The following CDH12 variants were observed in gnomAD, a reference collection of about 807,000 sequenced individuals.
The protein encoded by CDH12 is cadherin-12.
A neutral mutation model predicts 74.1 loss-of-function variants in CDH12; 41 were observed. The observed-to-expected ratio is 0.55, with a 90% CI of 0.43 to 0.72. The LOEUF (loss-of-function observed/expected upper bound fraction) is 0.72. Ranked by LOEUF, CDH12 falls within the 30% of genes least tolerant of loss-of-function variation. The pLI is 0.00. For synonymous variants in CDH12, 399 were observed against 355.0 expected (o/e 1.12, Z -1.39); for missense variants, 945 against 977.2 (o/e 0.97, Z 0.44).
At chr5:22,815,705 G>A (rs1269345701) in intron 1 of CDH12, among the ~76,000 whole-genome samples, 1 of 145,648 alleles carries the variant, frequency 6.9e-6, no homozygotes, top group Non-Finnish European at 1.5e-5. Flanking sequence ...GGGAGATACA[G>A]TTTGCAGTGA....
At chr5:22,250,384 C>G (rs902331909) in intron 3 of CDH12, among the ~76,000 whole-genome samples, 11 of 152,138 alleles carry the variant, frequency 7.2e-5, no homozygotes, top group African/African-American at 2.7e-4. Context: ...GGTTAGGTAG[C>G]TGATTCTGGC....
At chr5:21,866,332 G>A (rs954707473) in intron 6 of CDH12, among the ~76,000 whole-genome samples, 1 of 152,202 alleles carries the variant, frequency 6.6e-6, no homozygotes, top group African/African-American at 2.4e-5. Context: ...GGAGGGCTCA[G>A]AAGAAGACAG....
At chr5:22,083,301 A>C (rs1742860369) in intron 4 of CDH12, among the ~76,000 whole-genome samples, 1 of 152,164 alleles carries the variant, frequency 6.6e-6, no homozygotes, top group African/African-American at 2.4e-5. Flanking sequence ...TCCTTTCCTG[A>C]GTCCAAACTC....
chr5:22,326,769 A>C (rs930231766), intron 3 of CDH12, among the ~76,000 whole-genome samples: 8 of 152,178 alleles, frequency 5.3e-5, no homozygotes, highest in African/African-American at 1.7e-4. Flanking sequence ...CTGTATATCA[A>C]ACCATTTTCA....
intron 2 of CDH12, among the ~76,000 whole-genome samples, chr5:22,497,039 A>G (rs1474055458): frequency 6.6e-6 from 1 of 152,162 alleles, no homozygotes; most frequent in Non-Finnish European, 1.5e-5. Flanking sequence ...TCATTTTCTC[A>G]TCTGCTAAAT....
At chr5:22,149,882 C>T (rs1406638793) in intron 4 of CDH12, among the ~76,000 whole-genome samples, 2 of 152,174 alleles carry the variant, frequency 1.3e-5, no homozygotes, top group Non-Finnish European at 2.9e-5. Context: ...GTAATCCCAG[C>T]TTCTCGGGAG....
At chr5:22,043,031 T>A (rs1739687407) in intron 5 of CDH12, among the ~76,000 whole-genome samples, 1 of 151,968 alleles carries the variant, frequency 6.6e-6, no homozygotes, top group African/African-American at 2.4e-5. Flanking sequence ...TTTTAAAAAA[T>A]CAAATTATTC....
rs567455654 is a variant in CDH12, at chr5:21,816,848, G to A, written c.1002+97C>T. 59 of 875,752 alleles carry A rather than the reference G, an allele frequency of 6.7e-5. No individual in the cohort carries two copies. In the East Asian group the frequency reaches 9.5e-4, roughly 14 times the overall value. The allele number at this position is 875,752 out of a possible 1,614,324, so 54.2% of individuals were successfully genotyped here. A position where few individuals can be genotyped will look rare whatever the true frequency, so the allele number is the denominator to read the frequency against. ...TCAAGGGTCAACTCTATTGCTAATTGAAGGAAAATTAAAATTACTTGTCAT... is the reference window on the plus strand; with the variant it reads ...TCAAGGGTCAACTCTATTGCTAATTAAAGGAAAATTAAAATTACTTGTCAT... On this transcript the variant is annotated intron_variant, in intron 9 of 14. Transcript: ENST00000382254.
chr5:22,820,024 T>TATATAC (rs1252192876), intron 1 of CDH12, among the ~76,000 whole-genome samples: 1 of 146,744 alleles, frequency 6.8e-6, no homozygotes. Flanking sequence ...TATATACATA[T>TATATAC]ATATACATAT....
At chr5:21,815,740 C>T (rs186014684) in intron 9 of CDH12, among the ~76,000 whole-genome samples, 6 of 152,144 alleles carry the variant, frequency 3.9e-5, no homozygotes, top group East Asian at 1.9e-4. Flanking sequence ...AGAGCTTACA[C>T]GCATCAGTAT....
intron 8 of CDH12, among the ~76,000 whole-genome samples, chr5:21,833,689 G>A (rs1203750015): frequency 8.0e-6 from 1 of 125,438 alleles, no homozygotes; most frequent in Non-Finnish European, 1.6e-5. Context: ...GCTCACCACA[G>A]TAAACCAGTG....
At chr5:22,030,294 G>T (rs766633725) in intron 5 of CDH12, among the ~76,000 whole-genome samples, 1 of 151,878 alleles carries the variant, frequency 6.6e-6, no homozygotes, top group African/African-American at 2.4e-5. Context: ...AAAAAGAAAG[G>T]TATTTCTTGA....
At chr5:22,741,448 T>G (rs1745021227) in intron 1 of CDH12, among the ~76,000 whole-genome samples, 1 of 152,202 alleles carries the variant, frequency 6.6e-6, no homozygotes, top group Admixed American at 6.5e-5. Flanking sequence ...AACCTCAGAA[T>G]ATTTCAAACC....
chr5:21,967,825 C>T (rs1756654532), intron 6 of CDH12, among the ~76,000 whole-genome samples: 1 of 152,170 alleles, frequency 6.6e-6, no homozygotes, highest in Admixed American at 6.6e-5. Context: ...GAAAATAGTC[C>T]TGCCAAACTG....
chr5:22,788,283 G>A (rs184423316), intron 1 of CDH12, among the ~76,000 whole-genome samples: 2 of 151,940 alleles, frequency 1.3e-5, no homozygotes, highest in East Asian at 3.9e-4. Flanking sequence ...TTATTTTAAT[G>A]TGCTATAAAT....
intron 1 of CDH12, among the ~76,000 whole-genome samples, chr5:22,687,949 T>C (rs569065172): frequency 6.6e-6 from 1 of 152,268 alleles, no homozygotes; most frequent in South Asian, 2.1e-4. Context: ...GTTTCATGTC[T>C]CTGGTAGGAT....
intron 5 of CDH12, among the ~76,000 whole-genome samples, chr5:22,046,945 G>T (rs1300559972): frequency 2.6e-5 from 4 of 152,170 alleles, no homozygotes; most frequent in African/African-American, 9.7e-5. Context: ...CTCAGGAAAA[G>T]AAATTATGTT....
chr5:21,985,622 T>C (rs1279052741), intron 5 of CDH12, among the ~76,000 whole-genome samples: 2 of 152,108 alleles, frequency 1.3e-5, no homozygotes, highest in Non-Finnish European at 2.9e-5. Context: ...AATATGAGTA[T>C]AAGAAAATTT....
At chr5:22,738,029 T>G (rs2127013325) in intron 1 of CDH12, among the ~76,000 whole-genome samples, 1 of 152,002 alleles carries the variant, frequency 6.6e-6, no homozygotes, top group South Asian at 2.1e-4. Flanking sequence ...GGTCTGAAAA[T>G]TGTACAGCAA....
Sources: allele counts gnomAD v4.1 joint callset (sites outside exome capture counted in the v4.1 genomes callset), GRCh38; gene constraint gnomAD v4.1.1; transcripts MANE v1.5; gene names NCBI Gene and HGNC (gene_info 2026-07-23, HGNC 2026-07-21).